TRMT9B: variants seen among roughly 807,000 people sequenced by gnomAD.
TRMT9B encodes the protein probable tRNA methyltransferase 9B.
A neutral mutation model predicts 11.5 loss-of-function variants in TRMT9B; 16 were observed. That is an observed-to-expected ratio of 1.39 (90% confidence interval 0.94 to 2.11). TRMT9B has a LOEUF of 2.11. Among genes scored for constraint, TRMT9B ranks in the 30% most tolerant of loss-of-function variants. The pLI, the probability that TRMT9B is intolerant of heterozygous loss-of-function variation, is 0.00. For missense variants in TRMT9B, 941 were observed against 553.8 expected (o/e 1.70, Z -7.02); for synonymous variants, 274 against 192.4 (o/e 1.42, Z -3.51).
intron 2 of TRMT9B, among the ~76,000 whole-genome samples, chr8:13,001,133 T>C (rs1427192060): frequency 6.6e-6 from 1 of 152,230 alleles, no homozygotes; most frequent in Non-Finnish European, 1.5e-5. Flanking sequence ...CAGAAAAATA[T>C]TCTTTTGCTT....
intron 3 of TRMT9B, 52 bp downstream of exon 3, chr8:13,006,408 G>A: frequency 6.7e-7 from 1 of 1,482,138 alleles, no homozygotes; most frequent in African/African-American, 1.4e-5. Flanking sequence ...CCTCATCGCT[G>A]ACATAGGTAA....
At chr8:12,977,469 G>A (rs1804633520) in intron 1 of TRMT9B, among the ~76,000 whole-genome samples, 1 of 152,186 alleles carries the variant, frequency 6.6e-6, no homozygotes, top group African/African-American at 2.4e-5. Context: ...TTGGGAGGCT[G>A]AGGTGGGTGG....
At chr8:13,010,959 G>C in intron 3 of TRMT9B, 1 of 899,934 alleles carries the variant, frequency 1.1e-6, no homozygotes, top group African/African-American at 1.8e-5. Context: ...TCACATTTAC[G>C]TAGAAATAAT....
intron 1 of TRMT9B, chr8:12,952,168 T>A: frequency 2.2e-6 from 1 of 454,814 alleles, no homozygotes; most frequent in African/African-American, 2.0e-5. Context: ...ACGGGAGAGC[T>A]GCTGCCAGTC....
intron 1 of TRMT9B, among the ~76,000 whole-genome samples, chr8:12,964,667 C>A (rs191772466): frequency 6.6e-6 from 1 of 152,122 alleles, no homozygotes; most frequent in Non-Finnish European, 1.5e-5. Context: ...CTCAAACTCC[C>A]GGGCTCAAGC....
In TRMT9B at chr8:12,952,321, G is replaced by C. The variant is rs983662139; in HGVS notation, c.-200+6355G>C. The C allele has an allele frequency of 3.5e-5, 12 of 341,952 alleles. 1 individual carries two copies. Among genetic ancestry groups the C allele is most frequent in the South Asian group, 2.2e-4 (11 of 50,388 alleles). 21.2% of individuals were successfully genotyped at this position (341,952 alleles called of 1,614,324 possible). On this transcript the variant is annotated intron_variant, in intron 1 of 4. Coordinates refer to ENST00000524591, the MANE Select transcript of TRMT9B (RefSeq NM_020844.3). ...GAGGGGGCGCGACAGGTCGTCTAGC[G>C]CGTGCCCCGGAGCCCGCGCCCGGGT...
chr8:12,962,920 G>C (rs1802321626), intron 1 of TRMT9B, among the ~76,000 whole-genome samples: 1 of 152,220 alleles, frequency 6.6e-6, no homozygotes, highest in South Asian at 2.1e-4. Context: ...CTGTGTGTTT[G>C]TGCTATAGAC....
chr8:12,957,098 G>A (rs764029190), intron 1 of TRMT9B, among the ~76,000 whole-genome samples: 4 of 152,160 alleles, frequency 2.6e-5, no homozygotes, highest in Non-Finnish European at 5.9e-5. Context: ...TAGCTTACTC[G>A]AAGAGAAAGT....
At chr8:12,947,257 C>G (rs906557095) in intron 1 of TRMT9B, among the ~76,000 whole-genome samples, 1 of 152,198 alleles carries the variant, frequency 6.6e-6, no homozygotes, top group African/African-American at 2.4e-5. Context: ...CTGGAACACA[C>G]CTCACAATTT....
intron 2 of TRMT9B, among the ~76,000 whole-genome samples, chr8:12,999,196 G>A (rs1055529940): frequency 4.0e-5 from 6 of 151,748 alleles, no homozygotes; most frequent in Non-Finnish European, 5.9e-5. Flanking sequence ...GTACTCAGGA[G>A]GCTGAGGCAG....
chr8:13,006,061 C>G (rs935767823), intron 2 of TRMT9B, 141 bp from the exon 3 acceptor site: 2 of 737,364 alleles, frequency 2.7e-6, no homozygotes, highest in African/African-American at 1.8e-5. Context: ...AGGTATTGTT[C>G]TTTGCAGCTT....
chr8:13,010,879 TTTCTC>T, intron 3 of TRMT9B: 1 of 970,056 alleles, frequency 1.0e-6, no homozygotes, highest in Non-Finnish European at 1.2e-6. Context: ...GAGGGTACTT[TTTCTC>T]ATAATCATTA....
intron 2 of TRMT9B, among the ~76,000 whole-genome samples, chr8:12,993,670 G>T (rs1273313348): frequency 6.6e-6 from 1 of 152,200 alleles, no homozygotes; most frequent in African/African-American, 2.4e-5. Flanking sequence ...ATAGCACATT[G>T]CTATCTCAGC....
chr8:12,990,709 A>G (rs1213813921), intron 1 of TRMT9B, 125 bp from the exon 2 acceptor site: 1 of 351,554 alleles, frequency 2.8e-6, no homozygotes, highest in Non-Finnish European at 4.9e-6. Flanking sequence ...ACATATTAAC[A>G]ATTCTTTCTA....
intron 3 of TRMT9B, chr8:13,011,913 A>G (rs1811678850): frequency 1.0e-6 from 1 of 985,168 alleles, no homozygotes; most frequent in Non-Finnish European, 1.2e-6. Flanking sequence ...TATAAATAAT[A>G]GAAAAGTTGT....
chr8:13,004,505 G>A (rs781598055), intron 2 of TRMT9B, among the ~76,000 whole-genome samples: 5 of 151,836 alleles, frequency 3.3e-5, no homozygotes, highest in Non-Finnish European at 7.4e-5. Context: ...CCCAGGCAGA[G>A]TCCTGAGGCC....
intron 1 of TRMT9B, among the ~76,000 whole-genome samples, chr8:12,949,832 C>A (rs1048753429): frequency 6.6e-6 from 1 of 152,106 alleles, no homozygotes; most frequent in Admixed American, 6.6e-5. Flanking sequence ...TACTTTCTCA[C>A]TTCCACTCCC....
chr8:13,018,540 C>A (rs547681401), intron 4 of TRMT9B, among the ~76,000 whole-genome samples: 70 of 152,090 alleles, frequency 4.6e-4, no homozygotes, highest in African/African-American at 1.5e-3. Context: ...TACCACCCCC[C>A]AAAAAATAGT....
intron 1 of TRMT9B, among the ~76,000 whole-genome samples, chr8:12,954,366 G>C (rs2946503): frequency 0.73 from 110,514 of 152,084 alleles, 40,731 homozygotes; most frequent in Middle Eastern, 0.86. Flanking sequence ...TATGAAGAAG[G>C]CTCTATCATT....
Sources: allele counts gnomAD v4.1 joint callset (sites outside exome capture counted in the v4.1 genomes callset), GRCh38; gene constraint gnomAD v4.1.1; transcripts MANE v1.5; gene names NCBI Gene and HGNC (gene_info 2026-07-23, HGNC 2026-07-21).